The following SLC25A45 variants were observed in gnomAD, a reference collection of about 807,000 sequenced individuals.
The protein encoded by SLC25A45 is solute carrier family 25 member 45.
SLC25A45 carries 22 observed loss-of-function variants against 23.0 expected under a neutral mutation model. That is an observed-to-expected ratio of 0.95 (90% CI 0.68 to 1.36). The LOEUF (loss-of-function observed/expected upper bound fraction) is 1.36. SLC25A45 is among the 40% of genes most tolerant of loss of function. The pLI is 0.00. For missense variants in SLC25A45, 355 were observed against 383.5 expected (o/e 0.93, Z 0.62); for synonymous variants, 136 against 155.0 (o/e 0.88, Z 0.91).
At chr11:65,377,490 T>C (rs1446818897) in intron 5 of SLC25A45, 4 of 888,320 alleles carry the variant, frequency 4.5e-6, no homozygotes, top group Middle Eastern at 5.5e-4. Context: ...GAAACCACCC[T>C]TTCCCAGGGT....
intron 3 of SLC25A45, 37 bp downstream of exon 3, chr11:65,380,095 A>AG: frequency 6.2e-7 from 1 of 1,604,216 alleles, no homozygotes; most frequent in Non-Finnish European, 8.5e-7. Context: ...GGGTCAGGTG[A>AG]GATCTTTCAT....
At chr11:65,380,246 G>A (rs1307628394) in intron 2 of SLC25A45, 71 bp from the exon 3 acceptor site, 2 of 1,609,908 alleles carry the variant, frequency 1.2e-6, no homozygotes, top group Non-Finnish European at 8.5e-7. Context: ...TGTGCCAAGA[G>A]GAAAGAGGGG....
rs549506668 is a variant in SLC25A45 at position 65,381,841 on chromosome 11, C to T, written c.37+74G>A. 4 of 1,589,598 alleles carry T rather than the reference C, an allele frequency of 2.5e-6. 1 individual carries two copies. The South Asian group carries it at 4.4e-5, about 18-fold the overall frequency. ...ACTCAGACTTTGGTCTCTGCTCCTC[C>T]CATGTCACCCATCTTCCCGAGGAAG... On this transcript the variant is annotated intron_variant, in intron 2 of 6. Coordinates refer to ENST00000398802, the MANE Select transcript of SLC25A45 (RefSeq NM_182556.4).
At position 65,380,188 on chromosome 11, in the gene SLC25A45, G is replaced by A. The variant is rs777042159; in HGVS notation, c.38-13C>T. ...AAGCCCAGAGCGCCTGTGGTGACAA[G>A]AGGGTGCTATGAGTGAGGGCCCTCG... On this transcript the variant is annotated splice_polypyrimidine_tract_variant and intron_variant, in intron 2 of 6. Transcript: ENST00000398802. 1.2e-6 allele frequency: 2 copies of A among 1,614,082 alleles called. No homozygotes were observed. The highest frequency in any genetic ancestry group is 1.7e-6 in the Non-Finnish European group (2 of 1,180,042).
rs201853467 is a variant in SLC25A45, at chr11:65,376,999, G to A, written c.417C>T (p.Ser139=). 3 of 1,613,756 alleles carry A rather than the reference G, an allele frequency of 1.9e-6. No individual in the cohort carries two copies. Among genetic ancestry groups the A allele is most frequent in the African/African-American group, 2.7e-5 (2 of 75,052 alleles). The change falls in exon 6 of 7, where the codon AGC becomes AGT. Residue 139 remains serine (S), a synonymous_variant. Transcript: ENST00000398802. ...NQTEPRAQPG[S]PPPRYQGPVH... ...CGGGCCCCTGGTACCGGGGTGGGGG[G>A]CTCCCTGGCTGGGCCCTTGGCTCTG...
In SLC25A45 at chr11:65,376,520, G is replaced by A. The variant is rs768721035; in HGVS notation, c.754C>T (p.Gln252Ter). The change falls in exon 7 of 7, where the codon CAG becomes TAG. Residue 252 changes from glutamine (Q) to a stop codon, truncating the protein, a stop_gained. Coordinates refer to ENST00000398802, the MANE Select transcript of SLC25A45 (RefSeq NM_182556.4). LOFTEE classifies it high-confidence loss of function. Reference protein sequence around the residue: ...MLDCMVSSIRQEGLGVFFRGV... With the variant: ...MLDCMVSSIR ...CGGAAGAAGACTCCCAGTCCTTCCTGCCGGATGCTGCTCACCATGCAGTCC... is the reference window on the plus strand; with the variant it reads ...CGGAAGAAGACTCCCAGTCCTTCCTACCGGATGCTGCTCACCATGCAGTCC... 1.1e-5 allele frequency: 17 copies of A among 1,614,188 alleles called. No individual in the cohort carries two copies. The East Asian group carries it at 3.8e-4, about 36-fold the overall frequency.
chr11:65,376,793 C>CA, intron 6 of SLC25A45, 25 bp downstream of exon 6: 1 of 1,614,242 alleles, frequency 6.2e-7, no homozygotes, highest in Non-Finnish European at 8.5e-7. Context: ...CTCTGTCCCC[C>CA]ATCCTCTCAC....
At chr11:65,377,971 T>A (rs1590629923) in intron 5 of SLC25A45, 1 of 152,312 alleles carries the variant, frequency 6.6e-6, no homozygotes, top group Admixed American at 6.6e-5. Context: ...GGGCTGGCGG[T>A]CGCCTCTGGT....
intron 5 of SLC25A45, 30 bp downstream of exon 5, chr11:65,379,346 C>G: frequency 2.5e-6 from 4 of 1,602,376 alleles, no homozygotes; most frequent in Non-Finnish European, 2.5e-6. Flanking sequence ...CCCTATGACA[C>G]CTGTGTGTGC....
chr11:65,377,144 A>C, intron 5 of SLC25A45, 68 bp from the exon 6 acceptor site: 1 of 1,536,874 alleles, frequency 6.5e-7, no homozygotes, highest in African/African-American at 1.4e-5. Flanking sequence ...TTATATTCAC[A>C]AGAGGAAGGA....
At position 65,375,817 on chromosome 11, in the gene SLC25A45, C is replaced by T. The variant is rs1348321242; in HGVS notation, c.*590G>A. 6.5e-6 allele frequency: 1 copy of T among 153,816 alleles called. No homozygotes were observed. The highest frequency in any genetic ancestry group is 2.4e-5 in the African/African-American group (1 of 41,406). The allele number at this position is 153,816 out of a possible 1,614,324, so 9.5% of individuals were successfully genotyped here. A position where few individuals can be genotyped will look rare whatever the true frequency, so the allele number is the denominator to read the frequency against. On this transcript the variant is annotated 3_prime_UTR_variant, in exon 7 of 7. Coordinates refer to ENST00000398802, the MANE Select transcript of SLC25A45 (RefSeq NM_182556.4). ...GTGGCTCACGCCTGTAATCCCAGCACTTTGAGAGGCCGACGCGGGCGGATC... is the reference window on the plus strand; with the variant it reads ...GTGGCTCACGCCTGTAATCCCAGCATTTTGAGAGGCCGACGCGGGCGGATC...
chr11:65,377,174 C>A, intron 5 of SLC25A45, 98 bp from the exon 6 acceptor site: 2 of 1,481,970 alleles, frequency 1.3e-6, no homozygotes, highest in South Asian at 1.4e-5. Flanking sequence ...GGGGCCACAT[C>A]TTCCAGTCCC....
At chr11:65,379,193 C>T in intron 5 of SLC25A45, 183 bp downstream of exon 5, 2 of 667,918 alleles carry the variant, frequency 3.0e-6, no homozygotes, top group East Asian at 2.9e-5. Context: ...CCTTTTGCCC[C>T]CTCTGTTCCC....
intron 4 of SLC25A45, 63 bp from the exon 5 acceptor site, chr11:65,379,624 C>T (rs1396662787): frequency 5.9e-5 from 88 of 1,501,708 alleles, no homozygotes; most frequent in Non-Finnish European, 7.6e-5. Context: ...TCCTCTCCAC[C>T]CCTGGCAAGG....
In SLC25A45 at chr11:65,376,567, C is replaced by T. The variant is rs143413687; in HGVS notation, c.707G>A (p.Arg236His). The change falls in exon 7 of 7, where the codon CGC becomes CAC. Residue 236 changes from arginine (R) to histidine (H), a missense_variant. Arg to His is a conservative substitution (Grantham distance 29). Transcript: ENST00000398802. ...GTCCAGCATCCCCTGGTACACTCTG[C>T]GTCTCAGTCCATCCATCTGCATCCG... ...KSRMQMDGLR[R>H]RVYQGMLDCM... 192 of 1,614,144 alleles carry T rather than the reference C, an allele frequency of 1.2e-4. No homozygotes were observed. Among genetic ancestry groups the T allele is most frequent in the African/African-American group, 9.3e-4 (70 of 75,042 alleles).
chr11:65,376,514 C>T lies in SLC25A45; in HGVS notation c.760G>A (p.Gly254Arg), dbSNP rs1013921256. 5 of 1,614,100 alleles carry T rather than the reference C, an allele frequency of 3.1e-6. No individual in the cohort carries two copies. Among genetic ancestry groups the T allele is most frequent in the Admixed American group, 1.7e-5 (1 of 60,014 alleles). Reference sequence around the variant, plus strand: ...ACCCCCCGGAAGAAGACTCCCAGTCCTTCCTGCCGGATGCTGCTCACCATG... The same window carrying T: ...ACCCCCCGGAAGAAGACTCCCAGTCTTTCCTGCCGGATGCTGCTCACCATG... ...DCMVSSIRQEGLGVFFRGVTI... is the reference protein window; with the variant it reads ...DCMVSSIRQERLGVFFRGVTI... Residue 254 changes from glycine (G) to arginine (R), a missense_variant, in exon 7 of 7, where the codon GGA (glycine) becomes AGA (arginine). Transcript: ENST00000398802.
rs533318990 is a variant in SLC25A45 at position 65,380,443 on chromosome 11, C to G, written c.38-268G>C. Reference sequence around the variant, plus strand: ...GCACACCCAAGAGGGAAGAGCCAGCCAAAGACGTACGTGTCCTCGCTGGAG... The same window carrying G: ...GCACACCCAAGAGGGAAGAGCCAGCGAAAGACGTACGTGTCCTCGCTGGAG... On this transcript the variant is annotated intron_variant, in intron 2 of 6. Transcript: ENST00000398802. 8.0e-5 allele frequency: 88 copies of G among 1,103,820 alleles called. 2 individuals are homozygous for G. The South Asian group carries it at 1.3e-3, about 16-fold the overall frequency. The allele number at this position is 1,103,820 out of a possible 1,614,324, so 68.4% of individuals were successfully genotyped here.
In SLC25A45 at chr11:65,379,872, C is replaced by A; in HGVS notation, c.148G>T (p.Glu50Ter). Residue 50 changes from glutamate (E) to a stop codon, truncating the protein, a stop_gained, in exon 4 of 7, where the codon GAG becomes TAG. Transcript: ENST00000398802. LOFTEE classifies it high-confidence loss of function. The part of the protein sequence containing the change: ...VDCMVKIYRH[E>*]SLLGFFKGMS... The stretch of plus-strand genomic sequence containing the variant: ...CAAAGGAGTGGGCCACTCACGGACT[C>A]ATGGCGGTAAATCTTGACCATGCAA... 1 of 1,614,216 alleles carries A rather than the reference C, an allele frequency of 6.2e-7. No individual in the cohort carries two copies. Among genetic ancestry groups the A allele is most frequent in the Non-Finnish European group, 8.5e-7 (1 of 1,180,036 alleles).
chr11:65,382,014 C>A lies in SLC25A45; in HGVS notation c.-18-45G>T, dbSNP rs1039266229. The A allele has an allele frequency of 1.2e-5, 17 of 1,363,296 alleles. No homozygotes were observed. In the Admixed American group the frequency reaches 2.3e-4, roughly 19 times the overall value. The allele number at this position is 1,363,296 out of a possible 1,614,324, so 84.4% of individuals were successfully genotyped here. A position where few individuals can be genotyped will look rare whatever the true frequency, so the allele number is the denominator to read the frequency against. ...AGACAGAGTTGAATTCCCCCCTCTC[C>A]CTCCCCTGGCCCACGCTGATAACCT... On this transcript the variant is annotated intron_variant, in intron 1 of 6. Coordinates refer to ENST00000398802, the MANE Select transcript of SLC25A45 (RefSeq NM_182556.4). The surrounding 1 kb of genome is among the most constrained non-coding windows in gnomAD (Gnocchi z 4.4).
Sources: gnomAD v4.1 joint callset for allele counts on GRCh38, gnomAD v4.1.1 for gene constraint, Gnocchi (gnomAD v3.1) non-coding constraint, MANE v1.5 for transcripts, NCBI Gene and HGNC (gene_info 2026-07-23, HGNC 2026-07-21) for gene names.